LST1: variants seen among roughly 807,000 people sequenced by gnomAD.
The protein encoded by LST1 is leukocyte-specific transcript 1 protein.
LST1 carries 9 observed loss-of-function variants against 8.5 expected under a neutral mutation model. The observed-to-expected ratio is 1.06, with a 90% CI of 0.64 to 1.85. The LOEUF (loss-of-function observed/expected upper bound fraction) is 1.85. Among genes scored for constraint, LST1 ranks in the 40% most tolerant of loss-of-function variants. LST1 has a pLI of 0.00. For synonymous variants in LST1, 53 were observed against 50.4 expected (o/e 1.05, Z -0.21); for missense variants, 121 against 117.1 (o/e 1.03, Z -0.16).
At chr6:31,587,557 T>A (rs1156963659) in intron 2 of LST1, 84 bp from the exon 3 acceptor site, 9 of 890,768 alleles carry the variant, frequency 1.0e-5, no homozygotes, top group Non-Finnish European at 1.6e-5. Context: ...GGAGAGGGAA[T>A]CTGAGAAAGC....
Position 31,588,812 on chromosome 6 carries a change from C to T in LST1, c.*136C>T. On this transcript the variant is annotated 3_prime_UTR_variant, in exon 5 of 5. Transcript: ENST00000438075. ...TCGAGCCTCCGTTCAAATTGATCAT[C>T]ATCAAAACTTATGTGGCTTTTTGAC... The T allele has an allele frequency of 9.7e-7, 1 of 1,035,742 alleles. No homozygotes were observed. 64.2% of individuals were successfully genotyped at this position (1,035,742 alleles called of 1,614,324 possible).
chr6:31,588,764 T>G lies in LST1; in HGVS notation c.*88T>G, dbSNP rs1211411488. 1 of 1,416,626 alleles carries G rather than the reference T, an allele frequency of 7.1e-7. No individual in the cohort carries two copies. The highest frequency in any genetic ancestry group is 1.7e-5 in the Admixed American group (1 of 59,606). The allele number at this position is 1,416,626 out of a possible 1,614,324, so 87.8% of individuals were successfully genotyped here. A position where few individuals can be genotyped will look rare whatever the true frequency, so the allele number is the denominator to read the frequency against. ...AAAAACCATGGTCCCCCCACTTCTGTGTCTCAGTCCTCTCAGTCCATCTCG... is the reference window on the plus strand; with the variant it reads ...AAAAACCATGGTCCCCCCACTTCTGGGTCTCAGTCCTCTCAGTCCATCTCG... On this transcript the variant is annotated 3_prime_UTR_variant, in exon 5 of 5. Transcript: ENST00000438075.
chr6:31,588,113 G>A, intron 4 of LST1, 147 bp downstream of exon 4: 1 of 777,666 alleles, frequency 1.3e-6, no homozygotes, highest in South Asian at 2.2e-5. Context: ...AGAAAATCGA[G>A]GCAAAAGAGA....
chr6:31,587,441 A>G (rs1772045804), intron 2 of LST1, 123 bp downstream of exon 2: 2 of 1,207,720 alleles, frequency 1.7e-6, no homozygotes, highest in African/African-American at 1.5e-5. Flanking sequence ...CTGGTACAGG[A>G]GGGAAAGGGA....
chr6:31,586,931 A>C, intron 1 of LST1: 1 of 329,596 alleles, frequency 3.0e-6, no homozygotes. Flanking sequence ...GTCCCCTCCA[A>C]ACCACGTGGT....
chr6:31,588,023 G>A, intron 4 of LST1, 57 bp downstream of exon 4: 2 of 1,544,488 alleles, frequency 1.3e-6, no homozygotes, highest in Non-Finnish European at 1.8e-6. Flanking sequence ...GGGTGAGTGG[G>A]GAGAAGCATG....
At position 31,588,610 on chromosome 6, in the gene LST1, C is replaced by A; in HGVS notation, c.228C>A (p.Asp76Glu). 1 of 1,613,112 alleles carries A rather than the reference C, an allele frequency of 6.2e-7. No individual in the cohort carries two copies. The highest frequency in any genetic ancestry group is 1.1e-5 in the South Asian group (1 of 91,084). Residue 76 changes from aspartate to glutamate, a missense_variant, in exon 5 of 5, where the codon GAC becomes GAA. Coordinates refer to ENST00000438075, the MANE Select transcript of LST1 (RefSeq NM_205839.3). ...SSEGPDLRGR[D>E]KRGTKEDPRA... ...AGGGACCTGACCTCAGGGGCAGAGA[C>A]AAGAGAGGCACCAAGGAGGATCCAA...
chr6:31,588,055 T>G, intron 4 of LST1, 89 bp downstream of exon 4: 2 of 1,364,304 alleles, frequency 1.5e-6, no homozygotes, highest in Non-Finnish European at 2.0e-6. Flanking sequence ...AGAGGAGGGT[T>G]GGGGACGGGA....
chr6:31,588,032 T>C lies in LST1; in HGVS notation c.135+66T>C, dbSNP rs967384743. On this transcript the variant is annotated intron_variant, in intron 4 of 4. Coordinates refer to ENST00000438075, the MANE Select transcript of LST1 (RefSeq NM_205839.3). Reference sequence around the variant, plus strand: ...CTGAGTGGGTGAGTGGGGAGAAGCATGGCTGAGCGCTGAGAGGAGGGTTGG... The same window carrying C: ...CTGAGTGGGTGAGTGGGGAGAAGCACGGCTGAGCGCTGAGAGGAGGGTTGG... 6 of 1,519,712 alleles carry C rather than the reference T, an allele frequency of 3.9e-6. No individual in the cohort carries two copies. In the African/African-American group the frequency reaches 8.3e-5, roughly 21 times the overall value. 94.1% of individuals were successfully genotyped at this position (1,519,712 alleles called of 1,614,324 possible).
At chr6:31,587,458 G>T in intron 2 of LST1, 140 bp downstream of exon 2, 1 of 1,048,522 alleles carries the variant, frequency 9.5e-7, no homozygotes, top group Non-Finnish European at 1.5e-6. Flanking sequence ...GGGACCTCAC[G>T]GGAGGCCCAG....
chr6:31,587,856 G>C, intron 3 of LST1, 88 bp from the exon 4 acceptor site: 1 of 1,559,996 alleles, frequency 6.4e-7, no homozygotes, highest in Non-Finnish European at 8.7e-7. Flanking sequence ...GCCAACAGGG[G>C]AGTCCACGCC....
chr6:31,586,572 A>T (rs1252950037), intron 1 of LST1: 1 of 152,100 alleles, frequency 6.6e-6, no homozygotes, highest in Non-Finnish European at 1.5e-5. Context: ...TCCAGACCCT[A>T]GTCAGTATAT....
rs550132083 is a variant in LST1 at position 31,587,309 on chromosome 6, C to A, written c.10C>A (p.Arg4=). ...CCTGATCCCTGACCTAATGTTATCG[C>A]GGAATGATGGTAAGTAAAGTGTCTC... The part of the protein sequence containing the change: MLS[R]NDDICIYGGL... The change falls in exon 2 of 5, where the codon CGG becomes AGG. Residue 4 remains arginine (R), a synonymous_variant. Coordinates refer to ENST00000438075, the MANE Select transcript of LST1 (RefSeq NM_205839.3). 2.5e-6 allele frequency: 4 copies of A among 1,612,706 alleles called. No individual in the cohort carries two copies. Among genetic ancestry groups the A allele is most frequent in the African/African-American group, 2.7e-5 (2 of 74,848 alleles).
intron 2 of LST1, 27 bp downstream of exon 2, chr6:31,587,345 A>G (rs756069877): frequency 2.5e-6 from 4 of 1,612,770 alleles, no homozygotes; most frequent in Non-Finnish European, 3.4e-6. Context: ...TTGCATCTGC[A>G]TAGAGAGAGT....
At chr6:31,586,717 T>G (rs1328323336) in intron 1 of LST1, 1 of 153,630 alleles carries the variant, frequency 6.5e-6, no homozygotes, top group African/African-American at 2.4e-5. Flanking sequence ...CCTAGCAGCA[T>G]CTGCCTGTGG....
rs201917345 is a variant in LST1, at chr6:31,588,752, C to T, written c.*76C>T. The T allele has an allele frequency of 1.4e-3, 2,068 of 1,505,556 alleles. 5 individuals carry two copies. The highest frequency in any genetic ancestry group is 1.8e-3 in the Non-Finnish European group (1,896 of 1,082,158). The allele number at this position is 1,505,556 out of a possible 1,614,324, so 93.3% of individuals were successfully genotyped here. On this transcript the variant is annotated 3_prime_UTR_variant, in exon 5 of 5. Coordinates refer to ENST00000438075, the MANE Select transcript of LST1 (RefSeq NM_205839.3). ...GGTCCAGCCAGTAAAAACCATGGTC[C>T]CCCCACTTCTGTGTCTCAGTCCTCT... is the stretch of plus-strand genomic sequence containing the variant.
intron 4 of LST1, 71 bp from the exon 5 acceptor site, chr6:31,588,447 G>A: frequency 6.7e-7 from 1 of 1,493,114 alleles, no homozygotes; most frequent in Non-Finnish European, 9.1e-7. Flanking sequence ...AAGGCTGGAG[G>A]TGGGAGCAGA....
chr6:31,587,755 T>G, intron 3 of LST1, 22 bp downstream of exon 3: 1 of 1,497,056 alleles, frequency 6.7e-7, no homozygotes, highest in Non-Finnish European at 9.1e-7. Context: ...ACTCCCTCCC[T>G]CCCCCTGCAG....
chr6:31,587,598 G>A lies in LST1; in HGVS notation c.20-43G>A, dbSNP rs747836529. 2.3e-5 allele frequency: 29 copies of A among 1,275,794 alleles called. No individual in the cohort carries two copies. In the Admixed American group the frequency reaches 5.4e-4, roughly 24 times the overall value. 79.0% of individuals were successfully genotyped at this position (1,275,794 alleles called of 1,614,324 possible). A position where few individuals can be genotyped will look rare whatever the true frequency, so the allele number is the denominator to read the frequency against. The stretch of plus-strand genomic sequence containing the variant: ...CCAACCAGGAGGCTGGGGTACGCTG[G>A]AGAAGGAATGGGCTTCCTAACCTTG... On this transcript the variant is annotated intron_variant, in intron 2 of 4. Transcript: ENST00000438075.
Sources: allele counts gnomAD v4.1 joint callset, GRCh38; gene constraint gnomAD v4.1.1; transcripts MANE v1.5; gene names NCBI Gene and HGNC (gene_info 2026-07-23, HGNC 2026-07-21).